WDR41: variants seen among roughly 807,000 people sequenced by gnomAD.
WDR41 encodes WD repeat domain 41.
WDR41 carries 63 observed loss-of-function variants against 69.3 expected under a neutral mutation model. The observed-to-expected ratio is 0.91, with a 90% CI of 0.74 to 1.12. WDR41 has a LOEUF of 1.12. Ranked by LOEUF, WDR41 falls within the 50% of genes most tolerant of loss-of-function variation. The pLI, the probability that WDR41 is intolerant of heterozygous loss-of-function variation, is 0.00. For synonymous variants in WDR41, 185 were observed against 192.1 expected, an observed-to-expected ratio of 0.96 and a Z score of 0.31; for missense variants, 543 against 534.5, an observed-to-expected ratio of 1.02 and a Z score of -0.16.
intron 2 of WDR41, among the ~76,000 whole-genome samples, chr5:77,477,937 TAAAG>T (rs1801026648): frequency 7.2e-6 from 1 of 139,226 alleles, no homozygotes; most frequent in African/African-American, 2.8e-5. Flanking sequence ...GCAAGACTAA[TAAAG>T]AAAAAAAGAG....
chr5:77,498,810 C>T (rs1801972102), intron 1 of WDR41, among the ~76,000 whole-genome samples: 1 of 145,954 alleles, frequency 6.9e-6, no homozygotes, highest in East Asian at 2.0e-4. Context: ...CAGAGTAAGA[C>T]CCCATCAAAA....
At chr5:77,572,485 G>A (rs963553496) in intron 1 of WDR41, among the ~76,000 whole-genome samples, 1 of 152,090 alleles carries the variant, frequency 6.6e-6, no homozygotes. Context: ...TTTGTTTCAC[G>A]TTGTGGACTT....
intron 1 of WDR41, among the ~76,000 whole-genome samples, chr5:77,527,058 C>T (rs1367002116): frequency 6.6e-6 from 1 of 151,838 alleles, no homozygotes; most frequent in Non-Finnish European, 1.5e-5. Context: ...AAATTTGAGC[C>T]CATAGTAAAT....
At position 77,453,932 on chromosome 5, in the gene WDR41, C is replaced by T. The variant is rs758896413; in HGVS notation, c.412-4G>A. 2 of 1,608,120 alleles carry T rather than the reference C, an allele frequency of 1.2e-6. No homozygotes were observed. The highest frequency in any genetic ancestry group is 8.5e-7 in the Non-Finnish European group (1 of 1,174,744). On this transcript the variant is annotated splice_polypyrimidine_tract_variant and splice_region_variant and intron_variant, in intron 5 of 12. Transcript: ENST00000296679. ...GTCTCTGAAGAACAGTTAAACACTG[C>T]AAAATTTATTTGAAATGTATATCAG...
Position 77,489,579 on chromosome 5 carries a change from T to TC in WDR41, c.52-8_52-7insG. The TC allele has an allele frequency of 1.4e-6, 2 of 1,427,262 alleles. No individual in the cohort carries two copies. Among genetic ancestry groups the TC allele is most frequent in the Non-Finnish European group, 1.8e-6 (2 of 1,088,488 alleles). 88.4% of individuals were successfully genotyped at this position (1,427,262 alleles called of 1,614,324 possible). A position where few individuals can be genotyped will look rare whatever the true frequency, so the allele number is the denominator to read the frequency against. On this transcript the variant is annotated splice_region_variant and splice_polypyrimidine_tract_variant and intron_variant, in intron 1 of 12. Transcript: ENST00000296679. Reference sequence around the variant, plus strand: ...TTGTCTGTAAAGGAGATTTCTTGTATTGAAAAAAAAAAAAAAGCAAAAAAC... The same window carrying TC: ...TTGTCTGTAAAGGAGATTTCTTGTATCTGAAAAAAAAAAAAAAGCAAAAAAC...
rs772829203 is a variant in WDR41, at chr5:77,437,404, T to A, written c.1025A>T (p.Glu342Val). The change falls in exon 11 of 13, where the codon GAA becomes GTA. Residue 342 changes from glutamate to valine, a missense_variant. By Grantham distance (121) the Glu-to-Val change is moderately radical. Transcript: ENST00000296679. ...CTCCCAAATGCGTACACTGCCATCT[T>A]CTGAGCATGAGATTAACTGCCTGTC... ...LPNRQLISCS[E>V]DGSVRIWELR... is the part of the protein sequence containing the mutation. The A allele has an allele frequency of 6.2e-7, 1 of 1,613,974 alleles. No individual in the cohort carries two copies. Among genetic ancestry groups the A allele is most frequent in the Non-Finnish European group, 8.5e-7 (1 of 1,179,918 alleles).
chr5:77,578,924 AGAT>A (rs1478533603), intron 1 of WDR41, among the ~76,000 whole-genome samples: 1 of 151,624 alleles, frequency 6.6e-6, no homozygotes, highest in Non-Finnish European at 1.5e-5. Context: ...CTCCTCAAAT[AGAT>A]AATATCAATA....
At chr5:77,548,900 T>C (rs1743247667) in intron 1 of WDR41, among the ~76,000 whole-genome samples, 1 of 151,840 alleles carries the variant, frequency 6.6e-6, no homozygotes, top group East Asian at 1.9e-4. Context: ...AGTCAATGAG[T>C]GGATAAAAAA....
chr5:77,459,174 T>C (rs1561742114), intron 4 of WDR41, 50 bp from the exon 5 acceptor site: 1 of 1,345,626 alleles, frequency 7.4e-7, no homozygotes. Context: ...AAAATCTTAA[T>C]TATAACTTTT....
chr5:77,465,132 G>A (rs1279102876), intron 2 of WDR41, among the ~76,000 whole-genome samples: 1 of 152,122 alleles, frequency 6.6e-6, no homozygotes, highest in Non-Finnish European at 1.5e-5. Flanking sequence ...AAGCTGACAA[G>A]TGCCTTCAGT....
At chr5:77,596,382 G>A (rs13160437) in intron 1 of WDR41, among the ~76,000 whole-genome samples, 40,575 of 151,958 alleles carry the variant, frequency 0.27, 6,485 homozygotes, top group Non-Finnish European at 0.35. Flanking sequence ...TCTTGACCTC[G>A]TGATCCCAAA....
chr5:77,440,394 TCTCA>T (rs1273026962), intron 9 of WDR41, among the ~76,000 whole-genome samples: 1 of 152,172 alleles, frequency 6.6e-6, no homozygotes, highest in Non-Finnish European at 1.5e-5. Flanking sequence ...ATCCAACAAT[TCTCA>T]CTCAATTTAT....
chr5:77,547,287 G>A (rs560898605), intron 1 of WDR41, among the ~76,000 whole-genome samples: 1 of 151,960 alleles, frequency 6.6e-6, no homozygotes, highest in South Asian at 2.1e-4. Context: ...TCAGACAAGA[G>A]AAAAAATAAA....
chr5:77,488,457 TA>T (rs71606300), intron 2 of WDR41, among the ~76,000 whole-genome samples: 1,478 of 140,872 alleles, frequency 0.01, 25 homozygotes, highest in African/African-American at 0.033. Context: ...TAAATTAAAT[TA>T]AAAAAAAAAA....
chr5:77,431,129 A>C lies in WDR41; in HGVS notation c.*2006T>G, dbSNP rs143969013. 14 of 152,338 alleles carry C rather than the reference A, an allele frequency of 9.2e-5. No individual in the cohort carries two copies. The highest frequency in any genetic ancestry group is 1.8e-4 in the Non-Finnish European group (12 of 68,030). 9.4% of individuals were successfully genotyped at this position (152,338 alleles called of 1,614,324 possible). ...TCAGGATTTGAGATGACAGACTCTA[A>C]ATTTTGAAAGAAGTTCTACTGTGGG... On this transcript the variant is annotated 3_prime_UTR_variant, in exon 13 of 13. Coordinates refer to ENST00000296679, the MANE Select transcript of WDR41 (RefSeq NM_018268.4).
chr5:77,471,528 AGT>A, intron 2 of WDR41, among the ~76,000 whole-genome samples: 1 of 152,222 alleles, frequency 6.6e-6, no homozygotes, highest in South Asian at 2.1e-4. Flanking sequence ...ATAGAACGCT[AGT>A]AAGACTAATA....
intron 1 of WDR41, among the ~76,000 whole-genome samples, chr5:77,605,997 G>C (rs939768858): frequency 1.6e-4 from 24 of 152,134 alleles, no homozygotes; most frequent in Non-Finnish European, 2.9e-5. Context: ...GTTAAGAAAT[G>C]GTATGGTCAA....
chr5:77,508,392 G>A (rs1172683504), intron 1 of WDR41, among the ~76,000 whole-genome samples: 2 of 152,146 alleles, frequency 1.3e-5, no homozygotes, highest in Admixed American at 6.5e-5. Flanking sequence ...AGGATGGCAG[G>A]CATGAGCCAC....
chr5:77,572,059 C>A (rs1743742846), intron 1 of WDR41, among the ~76,000 whole-genome samples: 1 of 151,916 alleles, frequency 6.6e-6, no homozygotes, highest in South Asian at 2.1e-4. Flanking sequence ...AGGATGAAAC[C>A]AATCTTGAAA....
Sources: allele counts gnomAD v4.1 joint callset (sites outside exome capture counted in the v4.1 genomes callset), GRCh38; gene constraint gnomAD v4.1.1; transcripts MANE v1.5; gene names NCBI Gene and HGNC (gene_info 2026-07-23, HGNC 2026-07-21).